The following SLC2A9 variants were observed in gnomAD, a reference collection of about 807,000 sequenced individuals.
SLC2A9 encodes solute carrier family 2 member 9, also known as solute carrier family 2, facilitated glucose transporter member 9.
In SLC2A9, 39 loss-of-function variants were observed where a neutral mutation model predicts 50.6. The ratio of observed to expected loss-of-function variants is 0.77; its 90% CI spans 0.60 to 1.01. The LOEUF (loss-of-function observed/expected upper bound fraction) is 1.01. Among genes scored for constraint, SLC2A9 ranks in the 50% least tolerant of loss-of-function variants. The pLI, the probability that SLC2A9 is intolerant of heterozygous loss-of-function variation, is 0.00. For synonymous variants in SLC2A9, 324 were observed against 276.9 expected (o/e 1.17, Z -1.69); for missense variants, 686 against 677.6 (o/e 1.01, Z -0.14).
rs532092084 is a variant in SLC2A9 at position 9,955,225 on chromosome 4, G to A, written c.682-13180C>T. Reference sequence around the variant, plus strand: ...AACTCCAAGTCGGCCGGGCGCGGTGGCTCACGCTTGTAATCCCAGCACTTT... The same window carrying A: ...AACTCCAAGTCGGCCGGGCGCGGTGACTCACGCTTGTAATCCCAGCACTTT... On this transcript the variant is annotated intron_variant, in intron 5 of 11. Transcript: ENST00000264784. Among the ~76,000 whole-genome samples the A allele has an allele frequency of 3.4e-5, 4 of 116,040 alleles. 2 individuals are homozygous for A. In the Admixed American group the frequency reaches 3.5e-4, roughly 10 times the overall value. The allele number at this position is 116,040 out of a possible 152,430, so 76.1% of individuals were successfully genotyped here.
intron 3 of SLC2A9, among the ~76,000 whole-genome samples, chr4:9,813,018 T>C (rs1356211110): frequency 6.6e-6 from 1 of 152,198 alleles, no homozygotes; most frequent in African/African-American, 2.4e-5. Flanking sequence ...CCTCTGTTCT[T>C]TGGGTTTCAT....
chr4:9,827,863 C>T (rs187190467), intron 11 of SLC2A9, among the ~76,000 whole-genome samples: 21 of 152,294 alleles, frequency 1.4e-4, no homozygotes, highest in African/African-American at 5.1e-4. Flanking sequence ...GATCCCATTA[C>T]TCACATGTTG....
chr4:9,946,187 A>G (rs7694997), intron 5 of SLC2A9, among the ~76,000 whole-genome samples: 73,656 of 151,922 alleles, frequency 0.48, 19,193 homozygotes, highest in African/African-American at 0.66. Flanking sequence ...TAGTCTTGTC[A>G]GCCAAGGTGA....
chr4:9,820,668 G>A (rs1724274578), intron 3 of SLC2A9, among the ~76,000 whole-genome samples: 1 of 152,108 alleles, frequency 6.6e-6, no homozygotes, highest in Non-Finnish European at 1.5e-5. Flanking sequence ...TGTTTTGTTA[G>A]ATATTTAACC....
intron 6 of SLC2A9, among the ~76,000 whole-genome samples, chr4:9,929,922 T>A (rs2110156794): frequency 6.6e-6 from 1 of 152,162 alleles, no homozygotes; most frequent in East Asian, 1.9e-4. Flanking sequence ...GACACTGCCT[T>A]CTCACTTCTC....
At chr4:9,989,850 C>A (rs1270021775) in intron 3 of SLC2A9, among the ~76,000 whole-genome samples, 1 of 151,948 alleles carries the variant, frequency 6.6e-6, no homozygotes, top group Admixed American at 6.6e-5. Context: ...TCTTCTTGCC[C>A]CTGGGCTTTT....
intron 5 of SLC2A9, among the ~76,000 whole-genome samples, chr4:9,943,253 G>T (rs1174966266): frequency 6.6e-6 from 1 of 152,220 alleles, no homozygotes; most frequent in Non-Finnish European, 1.5e-5. Context: ...CCTGCCAGGG[G>T]CACACAGCCA....
At chr4:9,885,815 A>G (rs1488733292) in intron 10 of SLC2A9, among the ~76,000 whole-genome samples, 1 of 152,220 alleles carries the variant, frequency 6.6e-6, no homozygotes, top group Non-Finnish European at 1.5e-5. Context: ...GGACACAACC[A>G]TGCAGTCCAT....
chr4:9,778,319 C>A (rs1002914520), downstream of SLC2A9, among the ~76,000 whole-genome samples: 30 of 152,084 alleles, frequency 2.0e-4, no homozygotes, highest in Non-Finnish European at 2.5e-4. Flanking sequence ...GGGGTTTCAC[C>A]ATGTTGGCCA....
intron 1 of SLC2A9, among the ~76,000 whole-genome samples, chr4:9,774,398 G>A (rs779908975): frequency 2.6e-5 from 4 of 152,290 alleles, no homozygotes; most frequent in East Asian, 1.9e-4. Flanking sequence ...GCCTTTGCCC[G>A]TGATGTTCCC....
chr4:9,934,993 C>T (rs1746804922), intron 6 of SLC2A9, among the ~76,000 whole-genome samples: 1 of 152,178 alleles, frequency 6.6e-6, no homozygotes. Flanking sequence ...GATCTAATTC[C>T]TTTTTATGGC....
At chr4:9,961,689 A>T (rs1407660372) in intron 5 of SLC2A9, among the ~76,000 whole-genome samples, 1 of 152,168 alleles carries the variant, frequency 6.6e-6, no homozygotes, top group Admixed American at 6.5e-5. Context: ...CAAAAGCAAA[A>T]ATTGACAAAT....
At chr4:9,811,613 G>A (rs1164462588) in intron 3 of SLC2A9, among the ~76,000 whole-genome samples, 1 of 152,132 alleles carries the variant, frequency 6.6e-6, no homozygotes. Context: ...ACACCACCTG[G>A]CCACAAATGA....
At chr4:9,889,825 G>A (rs1737030417) in intron 9 of SLC2A9, among the ~76,000 whole-genome samples, 1 of 152,258 alleles carries the variant, frequency 6.6e-6, no homozygotes, top group Non-Finnish European at 1.5e-5. Context: ...GTTAATGCAA[G>A]CTGCCCTGAG....
chr4:9,890,748 T>A (rs767812430), intron 8 of SLC2A9, 37 bp from the exon 9 acceptor site: 1 of 1,561,994 alleles, frequency 6.4e-7, no homozygotes, highest in Non-Finnish European at 8.8e-7. Flanking sequence ...GAGCTATTAT[T>A]CCATTTCTAA....
At chr4:9,934,869 C>G (rs11727666) in intron 6 of SLC2A9, among the ~76,000 whole-genome samples, 43,080 of 152,016 alleles carry the variant, frequency 0.28, 6,862 homozygotes, top group African/African-American at 0.41. Flanking sequence ...CATATGTTCT[C>G]ATTGTTCAGC....
In SLC2A9 at chr4:10,016,796, A is replaced by T. The variant is rs551068840; in HGVS notation, c.249+2179T>A. On this transcript the variant is annotated intron_variant, in intron 2 of 11. Coordinates refer to ENST00000264784, the MANE Select transcript of SLC2A9 (RefSeq NM_020041.3). ...GGTTAAAGAAAAATAAATTTTAATT[A>T]AAAAAATGTGAGTTGCAAACCCCCA... Among the ~76,000 whole-genome samples the T allele has an allele frequency of 2.4e-4, 36 of 152,280 alleles. No homozygotes were observed. The East Asian group carries it at 5.4e-3, about 23-fold the overall frequency.
chr4:9,827,277 A>T (rs1386196906), intron 11 of SLC2A9, among the ~76,000 whole-genome samples: 1 of 152,234 alleles, frequency 6.6e-6, no homozygotes, highest in Admixed American at 6.5e-5. Context: ...GGTACTCAGG[A>T]CATATTTGTG....
chr4:9,847,583 C>T (rs142869921), intron 10 of SLC2A9, among the ~76,000 whole-genome samples: 3 of 152,330 alleles, frequency 2.0e-5, no homozygotes, highest in South Asian at 2.1e-4. Context: ...GAACGGACTA[C>T]GTGCCAGGAA....
Sources: allele counts gnomAD v4.1 joint callset (sites outside exome capture counted in the v4.1 genomes callset), GRCh38; gene constraint gnomAD v4.1.1; transcripts MANE v1.5; gene names NCBI Gene and HGNC (gene_info 2026-07-23, HGNC 2026-07-21).